The following MICU2 variants were observed in gnomAD, a reference collection of about 807,000 sequenced individuals.
MICU2 encodes calcium uptake protein 2, mitochondrial.
Under a neutral mutation model 60.4 loss-of-function variants are expected in MICU2, and 64 were observed. That is an observed-to-expected ratio of 1.06 (90% confidence interval 0.87 to 1.31). MICU2 has a LOEUF of 1.31. Among genes scored for constraint, MICU2 ranks in the 50% most tolerant of loss-of-function variants. The probability of loss-of-function intolerance (pLI) is 0.00; values close to 1 mark genes in which losing one functional copy is unlikely to be tolerated. For missense variants in MICU2, 569 were observed against 531.0 expected (o/e 1.07, Z -0.70); for synonymous variants, 201 against 175.0 (o/e 1.15, Z -1.17).
In MICU2 at chr13:21,539,340, CCAGCTGTTTGGAT is replaced by C; in HGVS notation, c.415_427del (p.Ile139AlafsTer15). 1 of 1,613,994 alleles carries C rather than the reference CCAGCTGTTTGGAT, an allele frequency of 6.2e-7. No homozygotes were observed. The highest frequency in any genetic ancestry group is 1.1e-5 in the South Asian group (1 of 91,064). On this transcript the variant is annotated frameshift_variant, in exon 4 of 12. Transcript: ENST00000382374. LOFTEE classifies it high-confidence loss of function. ...GTCTCTGAAAAAAGTTGATCCACAGCCAGCTGTTTGGATCCCTGACAGTGTATCCTCGATGTCC... is the reference window on the plus strand; with the variant it reads ...GTCTCTGAAAAAAGTTGATCCACAGCCCCTGACAGTGTATCCTCGATGTCC...
At chr13:21,499,990 T>C (rs1326642494) in intron 9 of MICU2, among the ~76,000 whole-genome samples, 1 of 152,170 alleles carries the variant, frequency 6.6e-6, no homozygotes, top group Non-Finnish European at 1.5e-5. Flanking sequence ...CAGCTTTGCT[T>C]ACTGTCCAGT....
intron 9 of MICU2, among the ~76,000 whole-genome samples, chr13:21,498,363 CCTATT>C (rs1381048231): frequency 7.0e-6 from 1 of 142,742 alleles, no homozygotes; most frequent in African/African-American, 2.6e-5. Flanking sequence ...CCAGAAATAT[CCTATT>C]CTTTTTTTTT....
At chr13:21,598,457 T>C (rs931765534) in intron 1 of MICU2, among the ~76,000 whole-genome samples, 3 of 152,198 alleles carry the variant, frequency 2.0e-5, no homozygotes, top group Admixed American at 6.5e-5. Flanking sequence ...GGCTCACACC[T>C]GTAATCCCAG....
chr13:21,603,626 A>C (rs1888877351), intron 1 of MICU2: 1 of 413,566 alleles, frequency 2.4e-6, no homozygotes, highest in Non-Finnish European at 4.3e-6. Context: ...AGGAGCCTCG[A>C]ATTAAGACAC....
At chr13:21,594,040 TTAAAG>T (rs1458466016) in intron 1 of MICU2, among the ~76,000 whole-genome samples, 1 of 152,138 alleles carries the variant, frequency 6.6e-6, no homozygotes, top group African/African-American at 2.4e-5. Context: ...TGGGATCTAA[TTAAAG>T]TAAAGAGCTT....
At chr13:21,508,263 C>G (rs936208605) in intron 8 of MICU2, among the ~76,000 whole-genome samples, 3 of 151,754 alleles carry the variant, frequency 2.0e-5, no homozygotes, top group Admixed American at 6.6e-5. Flanking sequence ...GTAGCAGGGT[C>G]TACAGGTGCC....
chr13:21,531,903 ATTT>A (rs1887010183), intron 4 of MICU2, among the ~76,000 whole-genome samples: 1 of 152,174 alleles, frequency 6.6e-6, no homozygotes, highest in Non-Finnish European at 1.5e-5. Context: ...ACAAGTACCT[ATTT>A]TTTCTCCCTT....
At chr13:21,554,798 G>C (rs1428891897) in intron 2 of MICU2, among the ~76,000 whole-genome samples, 1 of 151,920 alleles carries the variant, frequency 6.6e-6, no homozygotes, top group Non-Finnish European at 1.5e-5. Context: ...AAAGAAGAGA[G>C]AAGAATCAAA....
chr13:21,498,828 A>G (rs78775600), intron 9 of MICU2, among the ~76,000 whole-genome samples: 5,647 of 152,074 alleles, frequency 0.037, 357 homozygotes, highest in African/African-American at 0.13. Context: ...AAGGAAAAAA[A>G]AAAACCAGTG....
intron 7 of MICU2, among the ~76,000 whole-genome samples, chr13:21,511,161 G>C (rs1886419610): frequency 6.6e-6 from 1 of 152,182 alleles, no homozygotes; most frequent in Non-Finnish European, 1.5e-5. Context: ...ATTACATTTA[G>C]ACCAGGGAAC....
chr13:21,511,916 G>T (rs1358045625), intron 7 of MICU2, among the ~76,000 whole-genome samples: 1 of 151,888 alleles, frequency 6.6e-6, no homozygotes. Flanking sequence ...AGTATTTCAT[G>T]GTAATGGAGT....
At chr13:21,554,205 C>T (rs1316733130) in intron 2 of MICU2, among the ~76,000 whole-genome samples, 6 of 152,320 alleles carry the variant, frequency 3.9e-5, no homozygotes, top group Non-Finnish European at 4.4e-5. Context: ...ACAGAACTCT[C>T]CACCCCAAAT....
At chr13:21,533,424 C>A (rs370882526) in intron 4 of MICU2, among the ~76,000 whole-genome samples, 96 of 151,378 alleles carry the variant, frequency 6.3e-4, no homozygotes, top group Middle Eastern at 3.4e-3. Flanking sequence ...CCCGGGTTCA[C>A]GCCATTCCCC....
chr13:21,550,348 G>T (rs1167638079), intron 2 of MICU2, among the ~76,000 whole-genome samples: 1 of 152,126 alleles, frequency 6.6e-6, no homozygotes, highest in Non-Finnish European at 1.5e-5. Flanking sequence ...ACCAGCCTGG[G>T]CAACCAAGCA....
intron 2 of MICU2, among the ~76,000 whole-genome samples, chr13:21,542,932 A>G (rs1539562): frequency 0.35 from 53,974 of 152,152 alleles, 10,007 homozygotes; most frequent in Non-Finnish European, 0.41. Context: ...TTTGATAATC[A>G]TAATTACAAA....
chr13:21,533,962 AT>A (rs1887069439), intron 4 of MICU2, among the ~76,000 whole-genome samples: 2 of 152,056 alleles, frequency 1.3e-5, no homozygotes, highest in African/African-American at 2.4e-5. Flanking sequence ...TCATGTTTTT[AT>A]TCAGATATCT....
At chr13:21,518,562 G>A (rs1376378108) in intron 6 of MICU2, among the ~76,000 whole-genome samples, 5 of 152,136 alleles carry the variant, frequency 3.3e-5, no homozygotes, top group African/African-American at 1.2e-4. Context: ...TGTGTACCTT[G>A]TAACTCCCAA....
At chr13:21,603,809 G>T in intron 1 of MICU2, 130 bp downstream of exon 1, 1 of 1,029,490 alleles carries the variant, frequency 9.7e-7, no homozygotes, top group Non-Finnish European at 1.4e-6. Flanking sequence ...GTCGCAGGGC[G>T]CTCCGATCCG....
intron 1 of MICU2, among the ~76,000 whole-genome samples, chr13:21,576,524 CTCT>C (rs758558124): frequency 2.6e-5 from 4 of 152,176 alleles, no homozygotes; most frequent in Non-Finnish European, 4.4e-5. Flanking sequence ...AAGGATCCCT[CTCT>C]TCTTCTATCC....
Sources: gnomAD v4.1 joint callset for allele counts (sites outside exome capture counted in the v4.1 genomes callset) on GRCh38, gnomAD v4.1.1 for gene constraint, MANE v1.5 for transcripts, NCBI Gene and HGNC (gene_info 2026-07-23, HGNC 2026-07-21) for gene names.